RBFOX1: variants seen among roughly 807,000 people sequenced by gnomAD.
The protein encoded by RBFOX1 is RNA binding protein fox-1 homolog 1.
Under a neutral mutation model 57.7 loss-of-function variants are expected in RBFOX1, and 8 were observed. The ratio of observed to expected loss-of-function variants is 0.14; its 90% CI spans 0.08 to 0.25. The LOEUF is 0.25. RBFOX1 is among the 10% of genes least tolerant of loss of function. The pLI, the probability that RBFOX1 is intolerant of heterozygous loss-of-function variation, is 1.00. For synonymous variants in RBFOX1, 326 were observed against 222.4 expected (o/e 1.47, Z -4.15); for missense variants, 611 against 548.5 (o/e 1.11, Z -1.14).
At chr16:7,507,308 C>G (rs1176139077) in intron 4 of RBFOX1, among the ~76,000 whole-genome samples, 3 of 152,158 alleles carry the variant, frequency 2.0e-5, no homozygotes, top group Non-Finnish European at 4.4e-5. Context: ...AAACTCTTAA[C>G]TATTTTATTC....
At chr16:6,007,391 G>C (rs1214466334) in intron 4 of RBFOX1, among the ~76,000 whole-genome samples, 2 of 152,190 alleles carry the variant, frequency 1.3e-5, no homozygotes, top group Non-Finnish European at 2.9e-5. Flanking sequence ...AAGCCCCCAA[G>C]GAACTGAATC....
At chr16:5,409,877 G>A (rs964587193) in intron 1 of RBFOX1, among the ~76,000 whole-genome samples, 4 of 151,748 alleles carry the variant, frequency 2.6e-5, no homozygotes, top group East Asian at 1.9e-4. Flanking sequence ...GTGAAACCCC[G>A]TCTCTACTAA....
At chr16:5,415,927 A>G (rs13332850) in intron 1 of RBFOX1, among the ~76,000 whole-genome samples, 2 of 152,266 alleles carry the variant, frequency 1.3e-5, no homozygotes, top group East Asian at 1.9e-4. Flanking sequence ...AGAAATGCCA[A>G]ATGTCCCTCT....
chr16:5,692,748 C>A (rs1457794776), intron 3 of RBFOX1, among the ~76,000 whole-genome samples: 4 of 152,018 alleles, frequency 2.6e-5, no homozygotes, highest in Non-Finnish European at 5.9e-5. Context: ...AGCAAACCTG[C>A]CGGGATCATC....
At chr16:6,972,261 C>T (rs1171060550) in intron 3 of RBFOX1, among the ~76,000 whole-genome samples, 2 of 152,062 alleles carry the variant, frequency 1.3e-5, no homozygotes, top group African/African-American at 4.8e-5. Flanking sequence ...TTCTCCCTCT[C>T]CCCAGCCCCT....
intron 4 of RBFOX1, among the ~76,000 whole-genome samples, chr16:7,282,314 A>C (rs1299415039): frequency 6.6e-6 from 1 of 152,196 alleles, no homozygotes; most frequent in Non-Finnish European, 1.5e-5. Context: ...TGCCACAGTT[A>C]CTTGTTCACC....
intron 3 of RBFOX1, among the ~76,000 whole-genome samples, chr16:5,705,183 A>C (rs559960559): frequency 6.6e-6 from 1 of 152,180 alleles, no homozygotes; most frequent in South Asian, 2.1e-4. Context: ...CTATCTTCCT[A>C]TCTTCCATCA....
At chr16:6,985,710 T>C (rs187519151) in intron 3 of RBFOX1, among the ~76,000 whole-genome samples, 14 of 151,982 alleles carry the variant, frequency 9.2e-5, no homozygotes, top group Admixed American at 2.6e-4. Flanking sequence ...GTCAGGTGCC[T>C]ATAATCTCAG....
chr16:7,118,165 A>T (rs747617212), intron 4 of RBFOX1, among the ~76,000 whole-genome samples: 12 of 152,156 alleles, frequency 7.9e-5, no homozygotes, highest in Middle Eastern at 3.2e-3. Context: ...ACTGTTGCAT[A>T]CTGTTTGCCA....
intron 2 of RBFOX1, among the ~76,000 whole-genome samples, chr16:5,527,298 TAC>T (rs1414053944): frequency 6.6e-6 from 1 of 152,158 alleles, no homozygotes; most frequent in African/African-American, 2.4e-5. Context: ...AAGCTGCTTG[TAC>T]ACAAGGACAC....
At chr16:6,749,918 GC>G (rs762233037) in intron 3 of RBFOX1, among the ~76,000 whole-genome samples, 3 of 152,152 alleles carry the variant, frequency 2.0e-5, no homozygotes, top group Non-Finnish European at 2.9e-5. Context: ...TACAATAAGG[GC>G]CAAGCTGACT....
At chr16:7,677,132 TACACACACACACAC>T (rs59379802) in intron 14 of RBFOX1, among the ~76,000 whole-genome samples, 1 of 137,862 alleles carries the variant, frequency 7.3e-6, no homozygotes, top group Non-Finnish European at 1.6e-5. Flanking sequence ...CACATACACA[TACACACACACACAC>T]ACACACACAC....
chr16:6,128,160 C>A (rs1374988819), intron 1 of RBFOX1, among the ~76,000 whole-genome samples: 1 of 151,970 alleles, frequency 6.6e-6, no homozygotes, highest in Non-Finnish European at 1.5e-5. Flanking sequence ...AATATCTTGA[C>A]AATTTTTGTA....
intron 4 of RBFOX1, among the ~76,000 whole-genome samples, chr16:5,928,586 T>C (rs1438849265): frequency 6.6e-6 from 1 of 152,214 alleles, no homozygotes; most frequent in East Asian, 1.9e-4. Context: ...AGTCACTATA[T>C]GTTCCTCCTG....
intron 2 of RBFOX1, among the ~76,000 whole-genome samples, chr16:6,447,978 GTC>G (rs3066907): frequency 0.57 from 85,796 of 150,816 alleles, 24,716 homozygotes; most frequent in East Asian, 0.67. Context: ...TCAGACAAGA[GTC>G]TCTCTCTCTC....
At chr16:5,563,825 C>T (rs1245834229) in intron 2 of RBFOX1, among the ~76,000 whole-genome samples, 3 of 152,108 alleles carry the variant, frequency 2.0e-5, no homozygotes, top group Non-Finnish European at 4.4e-5. Flanking sequence ...TACCTTTTAG[C>T]AGCCACATCC....
In RBFOX1 at chr16:6,145,913, T is replaced by C. The variant is rs75597672; in HGVS notation, c.-127+125921T>C. On this transcript the variant is annotated intron_variant, in intron 1 of 15. Transcript: ENST00000550418. ...TGGGGCAGGTATTTTGACTGATTTTTCACCTGACTGAGGATGAATTTGCAC... is the reference window on the plus strand; with the variant it reads ...TGGGGCAGGTATTTTGACTGATTTTCCACCTGACTGAGGATGAATTTGCAC... 5.7e-3 allele frequency among the ~76,000 whole-genome samples: 866 copies of C among 152,314 alleles called. 10 individuals are homozygous for C. Among genetic ancestry groups the C allele is most frequent in the African/African-American group, 0.019 (802 of 41,568 alleles).
chr16:7,401,110 C>T (rs1001924164), intron 4 of RBFOX1, among the ~76,000 whole-genome samples: 4 of 152,190 alleles, frequency 2.6e-5, no homozygotes, highest in African/African-American at 7.2e-5. Flanking sequence ...AGAGAGGGAA[C>T]ATGTAATGGT....
chr16:5,427,161 C>A (rs867641532), intron 1 of RBFOX1, among the ~76,000 whole-genome samples: 1 of 152,180 alleles, frequency 6.6e-6, no homozygotes, highest in African/African-American at 2.4e-5. Flanking sequence ...AGGTTGGAGC[C>A]CTTGAGTGGG....
Sources: gnomAD v4.1 joint callset for allele counts (sites outside exome capture counted in the v4.1 genomes callset) on GRCh38, gnomAD v4.1.1 for gene constraint, MANE v1.5 for transcripts, NCBI Gene and HGNC (gene_info 2026-07-23, HGNC 2026-07-21) for gene names.